C1orf216: variants seen among roughly 807,000 people sequenced by gnomAD.
C1orf216 encodes chromosome 1 open reading frame 216.
Under a neutral mutation model 16.4 loss-of-function variants are expected in C1orf216, and 18 were observed. The observed-to-expected ratio is 1.10, with a 90% confidence interval of 0.76 to 1.63. The LOEUF is 1.63. C1orf216 is among the 40% of genes most tolerant of loss of function. The pLI is 0.00. For synonymous variants in C1orf216, 115 were observed against 116.9 expected, an observed-to-expected ratio of 0.98 and a Z score of 0.11; for missense variants, 271 against 297.6, an observed-to-expected ratio of 0.91 and a Z score of 0.66.
At chr1:35,718,469 GGCGCTA>G (rs1285065030) in intron 1 of C1orf216, among the ~76,000 whole-genome samples, 1 of 152,106 alleles carries the variant, frequency 6.6e-6, no homozygotes, top group Non-Finnish European at 1.5e-5. Flanking sequence ...GGGTGGGGGT[GGCGCTA>G]GGGATCACAG....
chr1:35,716,604 T>C (rs901568153), intron 1 of C1orf216: 1 of 463,306 alleles, frequency 2.2e-6, no homozygotes, highest in African/African-American at 2.0e-5. Flanking sequence ...TTCTCTGCTG[T>C]AGCTTCAAAG....
rs761507468 is a variant in C1orf216, at chr1:35,715,792, C to A, written c.530G>T (p.Arg177Leu). Reference protein sequence around the residue: ...KHHVHLVMYRRLALLQWIRGL... With the variant: ...KHHVHLVMYRLLALLQWIRGL... ...CCGGATCCACTGGAGCAGTGCCAGGCGACGGTACATCACCAAGTGCACGTG... is the reference window on the plus strand; with the variant it reads ...CCGGATCCACTGGAGCAGTGCCAGGAGACGGTACATCACCAAGTGCACGTG... The change falls in exon 2 of 2, where the codon CGC becomes CTC. Residue 177 changes from arginine to leucine, a missense_variant. Physicochemically the swap from Arg to Leu is moderately radical, Grantham distance 102. Around this residue, in one of 3 missense-constraint regions of C1orf216, gnomAD observed 220 missense variants for 227.8 expected, o/e 0.97. Transcript: ENST00000270815. The surrounding 1 kb of genome is among the most constrained non-coding windows in gnomAD (Gnocchi z 4.3). 19 of 1,614,094 alleles carry A rather than the reference C, an allele frequency of 1.2e-5. No individual in the cohort carries two copies. Among genetic ancestry groups the A allele is most frequent in the Non-Finnish European group, 1.5e-5 (18 of 1,180,058 alleles).
intron 1 of C1orf216, among the ~76,000 whole-genome samples, chr1:35,717,321 C>T (rs1299688390): frequency 1.3e-5 from 2 of 152,044 alleles, no homozygotes; most frequent in African/African-American, 4.8e-5. Context: ...TTGATCTGGC[C>T]CCTGCTCACC....
At chr1:35,717,362 C>A (rs1373714401) in intron 1 of C1orf216, among the ~76,000 whole-genome samples, 1 of 152,124 alleles carries the variant, frequency 6.6e-6, no homozygotes, top group Non-Finnish European at 1.5e-5. Context: ...CACTCTGCCC[C>A]TCCCATCATA....
intron 1 of C1orf216, among the ~76,000 whole-genome samples, chr1:35,718,506 T>C (rs1016173731): frequency 6.6e-6 from 1 of 152,088 alleles, no homozygotes; most frequent in Admixed American, 6.5e-5. Flanking sequence ...GATAGTAAAA[T>C]GAGAACCCCG....
At chr1:35,716,909 A>T (rs1439469626) in intron 1 of C1orf216, 1 of 153,508 alleles carries the variant, frequency 6.5e-6, no homozygotes, top group East Asian at 1.9e-4. Context: ...AGGCAGGGGA[A>T]TCACTTGAAC....
At chr1:35,718,168 AACTGACAAAGGGATTCT>A (rs1431038032) in intron 1 of C1orf216, among the ~76,000 whole-genome samples, 1 of 152,148 alleles carries the variant, frequency 6.6e-6, no homozygotes, top group Non-Finnish European at 1.5e-5. Context: ...TTAGGATTTG[AACTGACAAAGGGATTCT>A]ACTGACCAAA....
rs748946507 is a variant in C1orf216, at chr1:35,715,967, T to C, written c.355A>G (p.Ser119Gly). The C allele has an allele frequency of 6.2e-7, 1 of 1,614,072 alleles. No individual in the cohort carries two copies. The highest frequency in any genetic ancestry group is 2.2e-5 in the East Asian group (1 of 44,884). Residue 119 changes from serine (S) to glycine (G), a missense_variant, in exon 2 of 2, where the codon AGC becomes GGC. This residue lies in a region of C1orf216 where 220 missense variants were observed against 227.8 expected (regional missense o/e 0.97). Transcript: ENST00000270815. This position sits in a 1 kb window ranked among gnomAD's most constrained non-coding sequence, Gnocchi z 4.3. ...GGACTGCTGCTACGGCTGTCAATGC[T>C]CAGGGAACTGCTGGCATAGCCGTTG... ...EDNGYASSSL[S>G]IDSRSSSPEP...
chr1:35,715,363 A>C lies in C1orf216; in HGVS notation c.*269T>G. 1 of 511,492 alleles carries C rather than the reference A, an allele frequency of 2.0e-6. No homozygotes were observed. Among genetic ancestry groups the C allele is most frequent in the South Asian group, 2.4e-5 (1 of 41,548 alleles). 31.7% of individuals were successfully genotyped at this position (511,492 alleles called of 1,614,324 possible). A position where few individuals can be genotyped will look rare whatever the true frequency, so the allele number is the denominator to read the frequency against. On this transcript the variant is annotated 3_prime_UTR_variant, in exon 2 of 2. Transcript: ENST00000270815. The surrounding 1 kb of genome is among the most constrained non-coding windows in gnomAD (Gnocchi z 4.3). The stretch of plus-strand genomic sequence containing the variant: ...CACATACCGAGTTCCTCATTCTTAC[A>C]TACTACACACACACACATATGTTCA...
At position 35,715,573 on chromosome 1, in the gene C1orf216, G is replaced by A. The variant is rs1250108835; in HGVS notation, c.*59C>T. 40 of 1,517,784 alleles carry A rather than the reference G, an allele frequency of 2.6e-5. No homozygotes were observed. Among genetic ancestry groups the A allele is most frequent in the South Asian group, 1.9e-4 (15 of 77,610 alleles). 94.0% of individuals were successfully genotyped at this position (1,517,784 alleles called of 1,614,324 possible). A position where few individuals can be genotyped will look rare whatever the true frequency, so the allele number is the denominator to read the frequency against. ...CAGCAAATTATGTACTTACTAGTGCGCCTCACACATGCCTGCAAATATATA... is the reference window on the plus strand; with the variant it reads ...CAGCAAATTATGTACTTACTAGTGCACCTCACACATGCCTGCAAATATATA... On this transcript the variant is annotated 3_prime_UTR_variant, in exon 2 of 2. Transcript: ENST00000270815. The surrounding 1 kb of genome is among the most constrained non-coding windows in gnomAD (Gnocchi z 4.3).
chr1:35,715,349 T>G lies in C1orf216; in HGVS notation c.*283A>C. On this transcript the variant is annotated 3_prime_UTR_variant, in exon 2 of 2. Coordinates refer to ENST00000270815, the MANE Select transcript of C1orf216 (RefSeq NM_152374.2). The surrounding 1 kb of genome is among the most constrained non-coding windows in gnomAD (Gnocchi z 4.3). ...CCTGTCTACACATGCACATACCGAG[T>G]TCCTCATTCTTACATACTACACACA... The G allele has an allele frequency of 2.1e-6, 1 of 469,284 alleles. No homozygotes were observed. Among genetic ancestry groups the G allele is most frequent in the South Asian group, 2.7e-5 (1 of 37,504 alleles). The allele number at this position is 469,284 out of a possible 1,614,324, so 29.1% of individuals were successfully genotyped here. A position where few individuals can be genotyped will look rare whatever the true frequency, so the allele number is the denominator to read the frequency against.
chr1:35,716,026 C>T lies in C1orf216; in HGVS notation c.296G>A (p.Gly99Asp), dbSNP rs548730929. ...AGGGGAGCAGACTGTGCCAGCACCA[C>T]CCATCTTCTCAGGCTCAGCCCCGGG... is the stretch of plus-strand genomic sequence containing the variant. The part of the protein sequence containing the change: ...EIPGAEPEKM[G>D]GAGTVCSPLE... Residue 99 changes from glycine to aspartate, a missense_variant, in exon 2 of 2, where the codon GGT (glycine) becomes GAT (aspartate). Gly to Asp is a moderately conservative substitution (Grantham distance 94). Transcript: ENST00000270815. 6.2e-6 allele frequency: 10 copies of T among 1,614,078 alleles called. No individual in the cohort carries two copies. In the African/African-American group the frequency reaches 1.3e-4, roughly 22 times the overall value.
Position 35,715,647 on chromosome 1 carries a change from G to A in C1orf216, c.675C>T (p.Pro225=), listed in dbSNP as rs1356630073. 2.5e-6 allele frequency: 4 copies of A among 1,613,032 alleles called. No homozygotes were observed. Among genetic ancestry groups the A allele is most frequent in the Non-Finnish European group, 2.5e-6 (3 of 1,179,418 alleles). ...AGGCACACCCTTAGGCCTGGTCCTG[G>A]GGCCTGGATGGTGCTGCCCTCTGCT... ...CLQQRAAPSR[P]QDQA Residue 225 remains proline (P), a synonymous_variant, in exon 2 of 2, where the codon CCC becomes CCT. Transcript: ENST00000270815. This position sits in a 1 kb window ranked among gnomAD's most constrained non-coding sequence, Gnocchi z 4.3.
rs1557487192 is a variant in C1orf216 at position 35,716,121 on chromosome 1, G to GTCAGAGGGTGAC, written c.189_200dup (p.Glu63_Ser66dup). 6.2e-7 allele frequency: 1 copy of GTCAGAGGGTGAC among 1,614,092 alleles called. No individual in the cohort carries two copies. Among genetic ancestry groups the GTCAGAGGGTGAC allele is most frequent in the African/African-American group, 1.3e-5 (1 of 74,950 alleles). On this transcript the variant is annotated inframe_insertion, in exon 2 of 2. Transcript: ENST00000270815. ...ATCCAGGGGCCTGGAAGGCTTGGTTGTCAGAGGGTGACTCAGAGGAGCTCC... is the reference window on the plus strand; with the variant it reads ...ATCCAGGGGCCTGGAAGGCTTGGTTGTCAGAGGGTGACTCAGAGGGTGACTCAGAGGAGCTCC...
rs758009028 is a variant in C1orf216, at chr1:35,716,283, T to A, written c.39A>T (p.Gln13His). The A allele has an allele frequency of 1.9e-5, 31 of 1,613,932 alleles. No homozygotes were observed. The African/African-American group carries it at 4.1e-4, about 22-fold the overall frequency. Residue 13 changes from glutamine to histidine, a missense_variant, in exon 2 of 2, where the codon CAA (glutamine) becomes CAT (histidine). By Grantham distance (24) the Gln-to-His change is conservative. Around this residue, in one of 3 missense-constraint regions of C1orf216, gnomAD observed 44 missense variants for 46.0 expected, o/e 0.96. Coordinates refer to ENST00000270815, the MANE Select transcript of C1orf216 (RefSeq NM_152374.2). ...AIQPGLAEGG[Q>H]FLGDPPPGLC... ...ATCCAGGAGGTGGGTCCCCCAGGAATTGGCCCCCCTCAGCTAGCCCTGGCT... is the reference window on the plus strand; with the variant it reads ...ATCCAGGAGGTGGGTCCCCCAGGAAATGGCCCCCCTCAGCTAGCCCTGGCT...
rs1640919728 is a variant in C1orf216 at position 35,714,485 on chromosome 1, A to AT, written c.*1146dup. On this transcript the variant is annotated 3_prime_UTR_variant, in exon 2 of 2. Coordinates refer to ENST00000270815, the MANE Select transcript of C1orf216 (RefSeq NM_152374.2). ...GTAGAGGCAGAGACAGGGAAGCGAT[A>AT]TTTTCCTCATCGGCCTTGGAACATC... 1 of 152,168 alleles carries AT rather than the reference A, an allele frequency of 6.6e-6. No homozygotes were observed. The highest frequency in any genetic ancestry group is 1.5e-5 in the Non-Finnish European group (1 of 68,048). 9.4% of individuals were successfully genotyped at this position (152,168 alleles called of 1,614,324 possible). A position where few individuals can be genotyped will look rare whatever the true frequency, so the allele number is the denominator to read the frequency against.
intron 1 of C1orf216, among the ~76,000 whole-genome samples, chr1:35,718,441 G>A: frequency 6.6e-6 from 1 of 152,136 alleles, no homozygotes; most frequent in Non-Finnish European, 1.5e-5. Context: ...GGATGGGGCC[G>A]TGAAGGAAGC....
At position 35,716,337 on chromosome 1, in the gene C1orf216, A is replaced by G. The variant is rs146975608; in HGVS notation, c.-5-11T>C. 7.6e-4 allele frequency: 1,218 copies of G among 1,598,808 alleles called. 8 individuals carry two copies. In the African/African-American group the frequency reaches 0.015, roughly 19 times the overall value. ...TGGCGAACATCTAGCCTGTAAAGGG[A>G]AAGCAGGAGACCGAGTCACAGTAGG... On this transcript the variant is annotated splice_polypyrimidine_tract_variant and intron_variant, in intron 1 of 1. Transcript: ENST00000270815.
Position 35,715,871 on chromosome 1 carries a change from C to T in C1orf216, c.451G>A (p.Val151Met). 1 of 1,614,252 alleles carries T rather than the reference C, an allele frequency of 6.2e-7. No individual in the cohort carries two copies. Among genetic ancestry groups the T allele is most frequent in the Non-Finnish European group, 8.5e-7 (1 of 1,180,044 alleles). ...CGCTCCTGGACTTGTAAGTGCTGCA[C>T]AGCCTGGGCCACTGAGGGCAGAAGG... ...DPLLPSVAQA[V>M]QHLQVQERYK... The change falls in exon 2 of 2, where the codon GTG (valine) becomes ATG (methionine). Residue 151 changes from valine to methionine, a missense_variant. Val to Met is a conservative substitution (Grantham distance 21). This residue lies in a region of C1orf216 where 220 missense variants were observed against 227.8 expected (regional missense o/e 0.97). Coordinates refer to ENST00000270815, the MANE Select transcript of C1orf216 (RefSeq NM_152374.2). This position sits in a 1 kb window ranked among gnomAD's most constrained non-coding sequence, Gnocchi z 4.3.
Sources: allele counts gnomAD v4.1 joint callset (sites outside exome capture counted in the v4.1 genomes callset), GRCh38; gene constraint gnomAD v4.1.1; regional missense constraint gnomAD v4.1.1; non-coding constraint Gnocchi (gnomAD v3.1); transcripts MANE v1.5; gene names NCBI Gene and HGNC (gene_info 2026-07-23, HGNC 2026-07-21).